The following DLGAP2 variants were observed in gnomAD, a reference collection of about 807,000 sequenced individuals.
The protein encoded by DLGAP2 is DLG associated protein 2, also known as disks large-associated protein 2.
A neutral mutation model predicts 100.3 loss-of-function variants in DLGAP2; 26 were observed. The observed-to-expected ratio is 0.26, with a 90% CI of 0.19 to 0.36. The LOEUF (loss-of-function observed/expected upper bound fraction) is 0.36, where lower values mean the gene tolerates loss of function less well. Ranked by LOEUF, DLGAP2 falls within the 10% of genes least tolerant of loss-of-function variation. The probability of loss-of-function intolerance (pLI) is 1.00; values close to 1 mark genes in which losing one functional copy is unlikely to be tolerated. For synonymous variants in DLGAP2, 886 were observed against 630.1 expected (o/e 1.41, Z -6.08); for missense variants, 1,858 against 1,453.2 (o/e 1.28, Z -4.53).
At chr8:873,391 C>G (rs1020402358) in intron 1 of DLGAP2, among the ~76,000 whole-genome samples, 2 of 152,168 alleles carry the variant, frequency 1.3e-5, no homozygotes, top group Non-Finnish European at 2.9e-5. Context: ...GAACCAACAT[C>G]CTTGTCTTGT....
intron 2 of DLGAP2, among the ~76,000 whole-genome samples, chr8:1,090,483 G>A (rs1411252975): frequency 6.6e-6 from 1 of 152,226 alleles, no homozygotes. Context: ...GCCTGTGCCA[G>A]CTACCAGCAC....
chr8:1,264,949 C>G (rs1320636987), intron 3 of DLGAP2, among the ~76,000 whole-genome samples: 4 of 152,194 alleles, frequency 2.6e-5, no homozygotes, highest in South Asian at 2.1e-4. Context: ...CACATGGTCT[C>G]TTGCCTGCTG....
chr8:927,235 G>A, intron 2 of DLGAP2: 1 of 985,278 alleles, frequency 1.0e-6, no homozygotes, highest in African/African-American at 1.7e-5. Context: ...ATCCATTATG[G>A]GGGATTCATG....
At chr8:969,988 G>A (rs1799973725) in intron 2 of DLGAP2, among the ~76,000 whole-genome samples, 1 of 152,048 alleles carries the variant, frequency 6.6e-6, no homozygotes, top group Non-Finnish European at 1.5e-5. Context: ...TCACACCATT[G>A]ACAAATGAGT....
intron 1 of DLGAP2, among the ~76,000 whole-genome samples, chr8:858,333 G>A (rs1195191646): frequency 1.3e-5 from 2 of 152,262 alleles, no homozygotes; most frequent in Non-Finnish European, 2.9e-5. Flanking sequence ...GTCGCAAAAG[G>A]CTACGCAATG....
chr8:1,070,962 G>A (rs890278284), intron 2 of DLGAP2, among the ~76,000 whole-genome samples: 7 of 152,194 alleles, frequency 4.6e-5, no homozygotes, highest in Non-Finnish European at 7.3e-5. Flanking sequence ...CCTGTGTTCC[G>A]ATGGCTGCTT....
At chr8:1,115,788 C>G (rs1311316714) in intron 2 of DLGAP2, among the ~76,000 whole-genome samples, 1 of 152,198 alleles carries the variant, frequency 6.6e-6, no homozygotes, top group Non-Finnish European at 1.5e-5. Context: ...TTTTAAGGCA[C>G]AAATGACAGT....
At chr8:962,890 C>G (rs1180598934) in intron 2 of DLGAP2, among the ~76,000 whole-genome samples, 1 of 152,188 alleles carries the variant, frequency 6.6e-6, no homozygotes, top group African/African-American at 2.4e-5. Flanking sequence ...TCATGCCAGG[C>G]TTTGTGACCG....
intron 3 of DLGAP2, among the ~76,000 whole-genome samples, chr8:1,367,518 C>G (rs1022228035): frequency 6.6e-6 from 1 of 152,236 alleles, no homozygotes; most frequent in African/African-American, 2.4e-5. Flanking sequence ...AGTCCAGGCA[C>G]ACCCTGCTGG....
At chr8:933,471 T>C (rs1799006190) in intron 2 of DLGAP2, among the ~76,000 whole-genome samples, 1 of 136,110 alleles carries the variant, frequency 7.3e-6, no homozygotes, top group Non-Finnish European at 1.5e-5. Context: ...CAGAGCCTGC[T>C]GTGGAGACAC....
intron 2 of DLGAP2, among the ~76,000 whole-genome samples, chr8:1,252,910 G>A (rs1799081040): frequency 6.6e-6 from 1 of 152,240 alleles, no homozygotes; most frequent in African/African-American, 2.4e-5. Flanking sequence ...CAGCTGGAGG[G>A]AGGCAGAGGA....
intron 1 of DLGAP2, among the ~76,000 whole-genome samples, chr8:898,124 G>T (rs771920529): frequency 1.3e-5 from 2 of 152,204 alleles, no homozygotes; most frequent in Non-Finnish European, 2.9e-5. Flanking sequence ...GTACAAGTGG[G>T]CAGTAAACCG....
At chr8:1,530,234 G>T (rs569285894) in intron 4 of DLGAP2, among the ~76,000 whole-genome samples, 4 of 152,086 alleles carry the variant, frequency 2.6e-5, no homozygotes, top group African/African-American at 9.7e-5. Context: ...CACCTGGGGG[G>T]GCTGTTTATA....
At chr8:1,553,751 C>G (rs1339569025) in intron 5 of DLGAP2, among the ~76,000 whole-genome samples, 1 of 152,098 alleles carries the variant, frequency 6.6e-6, no homozygotes, top group Non-Finnish European at 1.5e-5. Flanking sequence ...TCACCGAGTT[C>G]TGAGCTTTCC....
intron 4 of DLGAP2, among the ~76,000 whole-genome samples, chr8:1,535,169 C>G (rs368269427): frequency 6.6e-6 from 1 of 152,308 alleles, no homozygotes. Context: ...GCCCAGAAGT[C>G]CCCCCAGGGG....
At chr8:1,160,506 C>A (rs930774922) in intron 2 of DLGAP2, among the ~76,000 whole-genome samples, 1 of 152,202 alleles carries the variant, frequency 6.6e-6, no homozygotes, top group Non-Finnish European at 1.5e-5. Context: ...TTTTCGACTG[C>A]AGACTGAGAA....
At chr8:1,474,314 G>T (rs1244805938) in intron 3 of DLGAP2, among the ~76,000 whole-genome samples, 3 of 152,264 alleles carry the variant, frequency 2.0e-5, no homozygotes, top group East Asian at 1.9e-4. Flanking sequence ...CCGTGTTTTT[G>T]TGATTGTGAA....
intron 3 of DLGAP2, among the ~76,000 whole-genome samples, chr8:1,313,491 C>T (rs750261793): frequency 6.0e-4 from 91 of 152,082 alleles, no homozygotes; most frequent in Middle Eastern, 3.4e-3. Context: ...TGGTAAAGTC[C>T]GGAATTTTGA....
chr8:1,083,624 A>G lies in DLGAP2; in HGVS notation c.74-175227A>G, dbSNP rs1803879570. On this transcript the variant is annotated intron_variant, in intron 2 of 14. Transcript: ENST00000637795. ...CTAACTGATGTAGTGAAATGTTGAG[A>G]AAATCAGATATTAATGGTTGGCTGA... Among the ~76,000 whole-genome samples, 3 of 152,200 alleles carry G rather than the reference A, an allele frequency of 2.0e-5. 1 individual carries two copies. The South Asian group carries it at 6.2e-4, about 31-fold the overall frequency.
Sources: gnomAD v4.1 joint callset for allele counts (sites outside exome capture counted in the v4.1 genomes callset) on GRCh38, gnomAD v4.1.1 for gene constraint, MANE v1.5 for transcripts, NCBI Gene and HGNC (gene_info 2026-07-23, HGNC 2026-07-21) for gene names.